Variants in ACTR3 observed in about 807,000 individuals in gnomAD.
ACTR3 encodes actin related protein 3.
ACTR3 carries 12 observed loss-of-function variants against 56.8 expected under a neutral mutation model. That is an observed-to-expected ratio of 0.21 (90% confidence interval 0.14 to 0.34). ACTR3 has a LOEUF of 0.34. Ranked by LOEUF, ACTR3 falls within the 10% of genes least tolerant of loss-of-function variation. The probability of loss-of-function intolerance (pLI) is 1.00; values close to 1 mark genes in which losing one functional copy is unlikely to be tolerated. For synonymous variants in ACTR3, 162 were observed against 167.4 expected, an observed-to-expected ratio of 0.97 and a Z score of 0.25; for missense variants, 282 against 512.5, an observed-to-expected ratio of 0.55 and a Z score of 4.34.
intron 10 of ACTR3, chr2:113,954,630 T>TA (rs1680177541): frequency 6.6e-6 from 1 of 151,778 alleles, no homozygotes; most frequent in Admixed American, 6.6e-5. Flanking sequence ...AAATGGCTCT[T>TA]AGGTTTTTTT....
rs530722620 is a variant in ACTR3 at position 113,925,405 on chromosome 2, A to G, written c.226-1940A>G. ...GAGACGGGGTTTCACCATGTTGGCC[A>G]GGCTGGTCTCAAACTCCTGACCTCA... On this transcript the variant is annotated intron_variant, in intron 3 of 11. Coordinates refer to ENST00000263238, the MANE Select transcript of ACTR3 (RefSeq NM_005721.5). 2.0e-5 allele frequency among the ~76,000 whole-genome samples: 3 copies of G among 152,186 alleles called. No homozygotes were observed. The South Asian group carries it at 6.2e-4, about 32-fold the overall frequency.
chr2:113,941,286 C>G (rs1679920181), intron 7 of ACTR3, among the ~76,000 whole-genome samples: 2 of 152,148 alleles, frequency 1.3e-5, no homozygotes, highest in Admixed American at 1.3e-4. Context: ...TTTGGGAAAT[C>G]TGTGAAATTA....
chr2:113,933,182 T>A (rs1307399716), intron 5 of ACTR3, among the ~76,000 whole-genome samples: 1 of 152,166 alleles, frequency 6.6e-6, no homozygotes, highest in Admixed American at 6.5e-5. Context: ...GTTTTCTGTA[T>A]GTCATATAGT....
intron 1 of ACTR3, among the ~76,000 whole-genome samples, chr2:113,907,970 G>GA (rs1185709933): frequency 2.2e-5 from 2 of 90,102 alleles, no homozygotes; most frequent in African/African-American, 5.3e-5. Flanking sequence ...GCAAAACTCT[G>GA]TCCCCCAAAA....
In ACTR3 at chr2:113,961,095, G is replaced by T. The variant is rs1315940671; in HGVS notation, c.*3640G>T. On this transcript the variant is annotated 3_prime_UTR_variant, in exon 12 of 12. Transcript: ENST00000263238. Reference sequence around the variant, plus strand: ...ATGGCTTTTGGACTTCAGTGAAAAAGAATTTCTGCTACTCATTGTTGATAA... The same window carrying T: ...ATGGCTTTTGGACTTCAGTGAAAAATAATTTCTGCTACTCATTGTTGATAA... 6.6e-6 allele frequency: 1 copy of T among 151,878 alleles called. No homozygotes were observed. Among genetic ancestry groups the T allele is most frequent in the Admixed American group, 6.6e-5 (1 of 15,210 alleles). The allele number at this position is 151,878 out of a possible 1,614,324, so 9.4% of individuals were successfully genotyped here. A position where few individuals can be genotyped will look rare whatever the true frequency, so the allele number is the denominator to read the frequency against.
intron 1 of ACTR3, among the ~76,000 whole-genome samples, chr2:113,899,555 ATTGT>A (rs762967230): frequency 2.8e-4 from 43 of 152,294 alleles, no homozygotes; most frequent in East Asian, 3.9e-4. Context: ...CTAGCATTTA[ATTGT>A]TTGGGCAGAT....
intron 4 of ACTR3, among the ~76,000 whole-genome samples, chr2:113,929,497 A>G (rs1679679813): frequency 6.6e-6 from 1 of 152,126 alleles, no homozygotes; most frequent in African/African-American, 2.4e-5. Context: ...TTTTGTGGAC[A>G]TATGTTTTCA....
At chr2:113,914,255 C>T (rs13414001) in intron 2 of ACTR3, among the ~76,000 whole-genome samples, 1 of 152,092 alleles carries the variant, frequency 6.6e-6, no homozygotes. Context: ...TCATTGGACA[C>T]AAGAGGTCAA....
intron 10 of ACTR3, chr2:113,953,456 A>G (rs1261490323): frequency 1.3e-5 from 2 of 152,164 alleles, no homozygotes; most frequent in African/African-American, 4.8e-5. Flanking sequence ...ATCTTGGAGC[A>G]TTTTGGATTT....
chr2:113,919,498 T>G (rs1314259383), intron 3 of ACTR3, among the ~76,000 whole-genome samples: 1 of 152,224 alleles, frequency 6.6e-6, no homozygotes, highest in Non-Finnish European at 1.5e-5. Flanking sequence ...GGTACCCTAC[T>G]TCCTATATTT....
intron 3 of ACTR3, among the ~76,000 whole-genome samples, chr2:113,918,539 T>C (rs182562319): frequency 6.6e-6 from 1 of 152,040 alleles, no homozygotes; most frequent in East Asian, 1.9e-4. Flanking sequence ...TGCATGCCAC[T>C]ATGCCCAGCT....
intron 1 of ACTR3, among the ~76,000 whole-genome samples, chr2:113,891,375 A>C (rs1452916755): frequency 6.6e-6 from 1 of 152,194 alleles, no homozygotes; most frequent in Non-Finnish European, 1.5e-5. Flanking sequence ...GTTTGCGAAA[A>C]TGTAGAGTGG....
intron 2 of ACTR3, among the ~76,000 whole-genome samples, chr2:113,914,017 T>TTAG (rs1679356849): frequency 6.6e-6 from 1 of 152,232 alleles, no homozygotes; most frequent in African/African-American, 2.4e-5. Flanking sequence ...GAGCCGTTGC[T>TTAG]TAGTGGTTCT....
intron 10 of ACTR3, chr2:113,952,493 A>G (rs1345391329): frequency 6.6e-6 from 1 of 152,154 alleles, no homozygotes; most frequent in Non-Finnish European, 1.5e-5. Context: ...GCTGTTTGAA[A>G]AAAGGTATTT....
In ACTR3 at chr2:113,897,948, A is replaced by G. The variant is rs1679040220; in HGVS notation, c.44+7625A>G. ...TGTCCTTGCTTTAAGACTTTGTGTC[A>G]TTTGTGAAAATGCAATGCTCTTGGG... On this transcript the variant is annotated intron_variant, in intron 1 of 11. Coordinates refer to ENST00000263238, the MANE Select transcript of ACTR3 (RefSeq NM_005721.5). Among the ~76,000 whole-genome samples, 5 of 152,106 alleles carry G rather than the reference A, an allele frequency of 3.3e-5. No homozygotes were observed. In the South Asian group the frequency reaches 1.0e-3, roughly 31 times the overall value.
chr2:113,928,448 T>A (rs575949527), intron 4 of ACTR3, among the ~76,000 whole-genome samples: 1 of 152,354 alleles, frequency 6.6e-6, no homozygotes, highest in African/African-American at 2.4e-5. Flanking sequence ...GTATGGTTAT[T>A]CTTTTCATAT....
At chr2:113,948,493 A>AG (rs1680062022) in intron 8 of ACTR3, among the ~76,000 whole-genome samples, 1 of 152,136 alleles carries the variant, frequency 6.6e-6, no homozygotes, top group South Asian at 2.1e-4. Flanking sequence ...TGGAAGAGGA[A>AG]GATTGTCTTT....
At chr2:113,913,071 C>A in intron 1 of ACTR3, 101 bp from the exon 2 acceptor site, 2 of 725,966 alleles carry the variant, frequency 2.8e-6, no homozygotes, top group South Asian at 1.9e-5. Flanking sequence ...ATATTATTTA[C>A]CTACGATGGA....
At chr2:113,894,980 C>CA (rs35485560) in intron 1 of ACTR3, among the ~76,000 whole-genome samples, 13,670 of 149,716 alleles carry the variant, frequency 0.091, 1,030 homozygotes, top group African/African-American at 0.2. Context: ...AGAACTCTTA[C>CA]AAAAAAAAAT....
Sources: allele counts gnomAD v4.1 joint callset (sites outside exome capture counted in the v4.1 genomes callset), GRCh38; gene constraint gnomAD v4.1.1; transcripts MANE v1.5; gene names NCBI Gene and HGNC (gene_info 2026-07-23, HGNC 2026-07-21).